MROH9: variants seen among roughly 807,000 people sequenced by gnomAD.
MROH9 encodes maestro heat like repeat family member 9, also known as maestro heat-like repeat-containing protein family member 9.
MROH9 carries 92 observed loss-of-function variants against 98.2 expected under a neutral mutation model. The observed-to-expected ratio is 0.94, with a 90% CI of 0.79 to 1.11. MROH9 has a LOEUF of 1.11. Among genes scored for constraint, MROH9 ranks in the 50% most tolerant of loss-of-function variants. The pLI is 0.00. For synonymous variants in MROH9, 397 were observed against 368.9 expected, an observed-to-expected ratio of 1.08 and a Z score of -0.87; for missense variants, 1,057 against 1,014.8, an observed-to-expected ratio of 1.04 and a Z score of -0.57.
chr1:170,973,378 GT>G, intron 8 of MROH9, among the ~76,000 whole-genome samples: 1 of 152,112 alleles, frequency 6.6e-6, no homozygotes, highest in Non-Finnish European at 1.5e-5. Flanking sequence ...ACTCAGACGG[GT>G]TTTGTCTCAT....
At chr1:170,990,989 A>G (rs1368772843) in intron 11 of MROH9, among the ~76,000 whole-genome samples, 1 of 152,288 alleles carries the variant, frequency 6.6e-6, no homozygotes, top group Non-Finnish European at 1.5e-5. Context: ...TCCTAGAAAG[A>G]TCTTTGTAAG....
rs1557902789 is a variant in MROH9 at position 171,024,501 on chromosome 1, T to C, written c.2015T>C (p.Val672Ala). Reference protein sequence around the residue: ...MVNDVVLEGLVPLILFLEDDD... With the variant: ...MVNDVVLEGLAPLILFLEDDD... ...AATGATGTGGTTCTAGAAGGCTTGG[T>C]GCCCCTAATCCTATTTTTGGAGGAT... Residue 672 changes from valine (V) to alanine (A), a missense_variant, in exon 18 of 22, where the codon GTG (valine) becomes GCG (alanine). Physicochemically the swap from Val to Ala is moderately conservative, Grantham distance 64. Coordinates refer to ENST00000367759, the MANE Select transcript of MROH9 (RefSeq NM_001163629.2). 13 of 1,546,444 alleles carry C rather than the reference T, an allele frequency of 8.4e-6. No homozygotes were observed. In the South Asian group the frequency reaches 1.3e-4, roughly 16 times the overall value.
intron 1 of MROH9, among the ~76,000 whole-genome samples, chr1:170,938,207 G>A (rs6427276): frequency 0.42 from 64,088 of 151,852 alleles, 13,685 homozygotes; most frequent in Middle Eastern, 0.51. Context: ...TTCCAGTTCA[G>A]TGGAATTATT....
At chr1:171,018,514 C>G (rs1652404023) in intron 17 of MROH9, among the ~76,000 whole-genome samples, 1 of 151,728 alleles carries the variant, frequency 6.6e-6, no homozygotes, top group African/African-American at 2.4e-5. Context: ...ATGGTCACAG[C>G]ACCTCCTCCA....
At chr1:170,972,837 C>T (rs1271886014) in intron 8 of MROH9, among the ~76,000 whole-genome samples, 3 of 143,648 alleles carry the variant, frequency 2.1e-5, no homozygotes, top group African/African-American at 8.6e-5. Context: ...AATACACACA[C>T]ACACACACAC....
intron 3 of MROH9, among the ~76,000 whole-genome samples, chr1:170,956,675 G>T (rs1292578122): frequency 1.4e-5 from 2 of 140,630 alleles, no homozygotes; most frequent in African/African-American, 5.5e-5. Flanking sequence ...TTGGTATATA[G>T]AAGAGCTACT....
chr1:171,017,473 C>T lies in MROH9; in HGVS notation c.1908+1137C>T, dbSNP rs1367424404. On this transcript the variant is annotated intron_variant, in intron 17 of 21. Transcript: ENST00000367759. Reference sequence around the variant, plus strand: ...CCATAAGGACCTAGGGTCCCAAACACGGAGCTGCACAGATTCTCAACAGCC... The same window carrying T: ...CCATAAGGACCTAGGGTCCCAAACATGGAGCTGCACAGATTCTCAACAGCC... 9.2e-5 allele frequency among the ~76,000 whole-genome samples: 14 copies of T among 152,316 alleles called. No homozygotes were observed. The South Asian group carries it at 2.3e-3, about 25-fold the overall frequency.
chr1:170,958,611 T>C (rs1430801885), intron 4 of MROH9, 71 bp downstream of exon 4: 1 of 1,071,524 alleles, frequency 9.3e-7, no homozygotes, highest in Non-Finnish European at 1.4e-6. Context: ...TTTAAAAACA[T>C]GCAATTGTGA....
intron 6 of MROH9, among the ~76,000 whole-genome samples, chr1:170,964,505 TA>T (rs1370084846): frequency 1.3e-5 from 2 of 152,122 alleles, no homozygotes; most frequent in Non-Finnish European, 2.9e-5. Context: ...TAAAGAAGGC[TA>T]TTAATGGCGA....
chr1:171,050,881 G>A (rs1653644172), intron 20 of MROH9, among the ~76,000 whole-genome samples: 1 of 152,034 alleles, frequency 6.6e-6, no homozygotes, highest in South Asian at 2.1e-4. Context: ...AAGGGAAGCT[G>A]GATTTTATCA....
At chr1:171,004,582 T>C (rs1180982708) in intron 15 of MROH9, among the ~76,000 whole-genome samples, 1 of 152,150 alleles carries the variant, frequency 6.6e-6, no homozygotes, top group Non-Finnish European at 1.5e-5. Context: ...CTTCCGCGGT[T>C]GGGGCACTCA....
intron 3 of MROH9, among the ~76,000 whole-genome samples, chr1:170,955,529 G>A (rs964000813): frequency 6.6e-6 from 1 of 152,074 alleles, no homozygotes; most frequent in African/African-American, 2.4e-5. Context: ...GAGTAAGGTG[G>A]TATTGCATTA....
chr1:171,040,689 G>A (rs1467952337), intron 20 of MROH9, among the ~76,000 whole-genome samples: 1 of 151,990 alleles, frequency 6.6e-6, no homozygotes, highest in Non-Finnish European at 1.5e-5. Flanking sequence ...GTAAAATGAG[G>A]ATAATAAGAA....
At chr1:170,985,032 C>T (rs1205289808) in intron 9 of MROH9, among the ~76,000 whole-genome samples, 1 of 152,080 alleles carries the variant, frequency 6.6e-6, no homozygotes, top group African/African-American at 2.4e-5. Flanking sequence ...AAACCGAAAA[C>T]AATTCCCAAA....
rs1006216239 is a variant in MROH9, at chr1:171,016,448, C to G, written c.1908+112C>G. 3.8e-6 allele frequency: 3 copies of G among 784,210 alleles called. No homozygotes were observed. In the East Asian group the frequency reaches 1.0e-4, roughly 26 times the overall value. 48.6% of individuals were successfully genotyped at this position (784,210 alleles called of 1,614,324 possible). Reference sequence around the variant, plus strand: ...ATAAGCCAATAGGAGAAGAAGCCACCATTTCTTTTACAGAGATAAAAATAT... The same window carrying G: ...ATAAGCCAATAGGAGAAGAAGCCACGATTTCTTTTACAGAGATAAAAATAT... On this transcript the variant is annotated intron_variant, in intron 17 of 21. Transcript: ENST00000367759.
chr1:170,999,111 C>T (rs1030808328), intron 15 of MROH9, among the ~76,000 whole-genome samples: 3 of 151,968 alleles, frequency 2.0e-5, no homozygotes, highest in Admixed American at 6.6e-5. Flanking sequence ...ATTCTTTGCC[C>T]GGTGTCTATT....
At chr1:170,995,748 A>G (rs939994306) in intron 13 of MROH9, among the ~76,000 whole-genome samples, 1 of 152,140 alleles carries the variant, frequency 6.6e-6, no homozygotes, top group Non-Finnish European at 1.5e-5. Context: ...TGTGTAGTAT[A>G]TAAAGAGCCG....
At chr1:170,975,773 G>T (rs1172275719) in intron 8 of MROH9, among the ~76,000 whole-genome samples, 1 of 152,184 alleles carries the variant, frequency 6.6e-6, no homozygotes, top group Non-Finnish European at 1.5e-5. Flanking sequence ...CTATTATTGT[G>T]TGGGAGTCTA....
chr1:170,942,607 G>A (rs1649168236), intron 1 of MROH9, among the ~76,000 whole-genome samples: 1 of 152,058 alleles, frequency 6.6e-6, no homozygotes, highest in Admixed American at 6.6e-5. Flanking sequence ...TCCAGTTATG[G>A]AGTAACAGCT....
Sources: gnomAD v4.1 joint callset for allele counts (sites outside exome capture counted in the v4.1 genomes callset) on GRCh38, gnomAD v4.1.1 for gene constraint, MANE v1.5 for transcripts, NCBI Gene and HGNC (gene_info 2026-07-23, HGNC 2026-07-21) for gene names.